Variants in NOS1AP observed in about 807,000 individuals in gnomAD.
The protein encoded by NOS1AP is carboxyl-terminal PDZ ligand of neuronal nitric oxide synthase protein.
In NOS1AP, 21 loss-of-function variants were observed where a neutral mutation model predicts 56.2. The observed-to-expected ratio is 0.37, with a 90% CI of 0.26 to 0.54. The LOEUF is 0.54. Among genes scored for constraint, NOS1AP ranks in the 20% least tolerant of loss-of-function variants. The pLI is 0.84. For synonymous variants in NOS1AP, 270 were observed against 274.6 expected (o/e 0.98, Z 0.17); for missense variants, 522 against 657.8 (o/e 0.79, Z 2.26).
chr1:162,360,327 C>A (rs767174757), intron 8 of NOS1AP, among the ~76,000 whole-genome samples: 109 of 152,336 alleles, frequency 7.2e-4, no homozygotes, highest in Non-Finnish European at 1.3e-3. Context: ...TAGCTTCCTG[C>A]TTTTAGGTGG....
intron 2 of NOS1AP, among the ~76,000 whole-genome samples, chr1:162,258,638 C>G (rs1411909419): frequency 6.6e-6 from 1 of 152,198 alleles, no homozygotes; most frequent in Non-Finnish European, 1.5e-5. Context: ...AATTGCCTGA[C>G]AGTAATGCCT....
chr1:162,262,270 T>C lies in NOS1AP; in HGVS notation c.178-25074T>C, dbSNP rs188268064. 1.7e-3 allele frequency among the ~76,000 whole-genome samples: 257 copies of C among 152,328 alleles called. 1 individual carries two copies. Among genetic ancestry groups the C allele is most frequent in the Non-Finnish European group, 2.6e-3 (177 of 68,038 alleles). ...AGAGAAGCATCACTTACTATAAATATAAGCTAGAGAGATAACAAATTAGTG... is the reference window on the plus strand; with the variant it reads ...AGAGAAGCATCACTTACTATAAATACAAGCTAGAGAGATAACAAATTAGTG... On this transcript the variant is annotated intron_variant, in intron 2 of 9. Transcript: ENST00000361897.
At chr1:162,300,595 C>A in intron 3 of NOS1AP, 38 bp from the exon 4 acceptor site, 1 of 1,556,126 alleles carries the variant, frequency 6.4e-7, no homozygotes, top group South Asian at 1.1e-5. Flanking sequence ...GTGCCCTGGT[C>A]CTGTAACTGA....
intron 1 of NOS1AP, among the ~76,000 whole-genome samples, chr1:162,125,130 C>CTTTTTTTTTTTTTTTTTTT (rs56264198): frequency 4.8e-4 from 60 of 124,114 alleles, no homozygotes; most frequent in African/African-American, 1.8e-3. Context: ...GTTTCTGACT[C>CTTTTTTTTTTTTTTTTTTT]TTTTTTTTTT....
chr1:162,332,488 G>T (rs1011608295), intron 4 of NOS1AP, among the ~76,000 whole-genome samples: 1 of 152,192 alleles, frequency 6.6e-6, no homozygotes, highest in African/African-American at 2.4e-5. Flanking sequence ...GTTGAATCAT[G>T]GAATGAACAC....
chr1:162,099,080 AACTGCCAC>A (rs1178285204), intron 1 of NOS1AP, among the ~76,000 whole-genome samples: 2 of 152,172 alleles, frequency 1.3e-5, no homozygotes, highest in African/African-American at 2.4e-5. Context: ...GTCTTTGAGG[AACTGCCAC>A]ACTGCCTTCC....
chr1:162,237,661 A>C (rs1453127046), intron 2 of NOS1AP, among the ~76,000 whole-genome samples: 1 of 152,240 alleles, frequency 6.6e-6, no homozygotes, highest in Non-Finnish European at 1.5e-5. Context: ...TTAAAGAATT[A>C]AAATATAACT....
intron 2 of NOS1AP, among the ~76,000 whole-genome samples, chr1:162,178,697 A>G (rs6427663): frequency 0.52 from 79,445 of 152,086 alleles, 22,736 homozygotes; most frequent in East Asian, 0.76. Context: ...GAAAGGGCTC[A>G]TCCAGAAGCA....
At chr1:162,248,768 A>T (rs939949032) in intron 2 of NOS1AP, among the ~76,000 whole-genome samples, 61 of 152,192 alleles carry the variant, frequency 4.0e-4, no homozygotes, top group African/African-American at 1.4e-3. Context: ...ACAACAAACC[A>T]TAAACATTCA....
chr1:162,160,203 C>G (rs1331134419), intron 2 of NOS1AP, among the ~76,000 whole-genome samples: 1 of 152,112 alleles, frequency 6.6e-6, no homozygotes, highest in Non-Finnish European at 1.5e-5. Context: ...CTAAATGGTC[C>G]AGTGTGGAGT....
intron 1 of NOS1AP, among the ~76,000 whole-genome samples, chr1:162,151,760 G>T (rs1165101444): frequency 6.6e-6 from 1 of 152,048 alleles, no homozygotes; most frequent in African/African-American, 2.4e-5. Context: ...TTCTTTGCAT[G>T]AATGAGAAGG....
At chr1:162,129,848 A>G (rs1648670827) in intron 1 of NOS1AP, among the ~76,000 whole-genome samples, 1 of 152,244 alleles carries the variant, frequency 6.6e-6, no homozygotes, top group South Asian at 2.1e-4. Flanking sequence ...TAAATGCAAT[A>G]TCATGCCTGT....
intron 2 of NOS1AP, among the ~76,000 whole-genome samples, chr1:162,208,110 C>T (rs577737753): frequency 2.6e-5 from 4 of 152,276 alleles, no homozygotes; most frequent in South Asian, 2.1e-4. Flanking sequence ...GGGTTTCTCA[C>T]GGTGAGTCTG....
chr1:162,202,572 C>T (rs1462164525), intron 2 of NOS1AP, among the ~76,000 whole-genome samples: 1 of 151,852 alleles, frequency 6.6e-6, no homozygotes, highest in African/African-American at 2.4e-5. Context: ...CTAATGTGGG[C>T]CATTAAGTTT....
At chr1:162,136,342 C>T (rs1164170213) in intron 1 of NOS1AP, among the ~76,000 whole-genome samples, 1 of 152,124 alleles carries the variant, frequency 6.6e-6, no homozygotes, top group African/African-American at 2.4e-5. Flanking sequence ...GATCTAGGCT[C>T]ATGATCCTCC....
chr1:162,236,544 G>A (rs931856863), intron 2 of NOS1AP, among the ~76,000 whole-genome samples: 2 of 152,232 alleles, frequency 1.3e-5, no homozygotes, highest in African/African-American at 4.8e-5. Flanking sequence ...CACACCCTTT[G>A]CCCATATGTT....
chr1:162,110,563 C>T (rs1463923505), intron 1 of NOS1AP, among the ~76,000 whole-genome samples: 1 of 152,150 alleles, frequency 6.6e-6, no homozygotes, highest in Non-Finnish European at 1.5e-5. Context: ...TTTTATCACA[C>T]TACCTCTTTC....
intron 2 of NOS1AP, among the ~76,000 whole-genome samples, chr1:162,272,041 C>T (rs1654597432): frequency 6.6e-6 from 1 of 152,042 alleles, no homozygotes; most frequent in African/African-American, 2.4e-5. Context: ...TTTGTAGACA[C>T]AGGGTCTCAC....
intron 5 of NOS1AP, among the ~76,000 whole-genome samples, chr1:162,338,336 A>G (rs1657004400): frequency 6.6e-6 from 1 of 152,116 alleles, no homozygotes; most frequent in Non-Finnish European, 1.5e-5. Flanking sequence ...GTGTGCCCCC[A>G]TTATTCTCTT....
Sources: gnomAD v4.1 joint callset for allele counts (sites outside exome capture counted in the v4.1 genomes callset) on GRCh38, gnomAD v4.1.1 for gene constraint, MANE v1.5 for transcripts, NCBI Gene and HGNC (gene_info 2026-07-23, HGNC 2026-07-21) for gene names.